TMEM178A: variants seen among roughly 807,000 people sequenced by gnomAD.
TMEM178A encodes transmembrane protein 178A.
In TMEM178A, 12 loss-of-function variants were observed where a neutral mutation model predicts 29.1. The ratio of observed to expected loss-of-function variants is 0.41; its 90% CI spans 0.26 to 0.67. The LOEUF is 0.67. Among genes scored for constraint, TMEM178A ranks in the 30% least tolerant of loss-of-function variants. The probability of loss-of-function intolerance (pLI) is 0.29; values close to 1 mark genes in which losing one functional copy is unlikely to be tolerated. For missense variants in TMEM178A, 366 were observed against 419.1 expected, an observed-to-expected ratio of 0.87 and a Z score of 1.11; for synonymous variants, 210 against 187.2, an observed-to-expected ratio of 1.12 and a Z score of -0.99.
chr2:39,732,947 C>G, the TMEM178A span, among the ~76,000 whole-genome samples: 2 of 152,214 alleles, frequency 1.3e-5, no homozygotes, highest in African/African-American at 4.8e-5. Context: ...GCAGCTCCTA[C>G]AAATATATGG....
At chr2:39,681,617 T>C (rs763793239) in intron 1 of TMEM178A, among the ~76,000 whole-genome samples, 2 of 152,098 alleles carry the variant, frequency 1.3e-5, no homozygotes, top group Non-Finnish European at 2.9e-5. Context: ...TCTGTTGGGA[T>C]TTTTGTTTGT....
At chr2:39,722,725 G>A (rs1374532144), downstream of TMEM178A, among the ~76,000 whole-genome samples, 2 of 152,042 alleles carry the variant, frequency 1.3e-5, no homozygotes, top group East Asian at 3.9e-4. Context: ...TCCCTTTTTT[G>A]GAGCTCACTA....
intron 3 of TMEM178A, among the ~76,000 whole-genome samples, chr2:39,707,934 T>A (rs1217681758): frequency 1.3e-5 from 2 of 152,234 alleles, no homozygotes; most frequent in East Asian, 3.8e-4. Context: ...CATTTTTACA[T>A]ACACAACACT....
At chr2:39,701,919 CT>C (rs1671798963) in intron 1 of TMEM178A, among the ~76,000 whole-genome samples, 1 of 151,998 alleles carries the variant, frequency 6.6e-6, no homozygotes, top group Admixed American at 6.5e-5. Flanking sequence ...TGCTAATATT[CT>C]CTATTTAGTG....
At position 39,686,304 on chromosome 2, in the gene TMEM178A, C is replaced by G. The variant is rs548285017; in HGVS notation, c.401-17777C>G. On this transcript the variant is annotated intron_variant, in intron 1 of 3. Coordinates refer to ENST00000281961, the MANE Select transcript of TMEM178A (RefSeq NM_152390.3). ...AGAATAGTGGTTGTCCAGCCCCAGG[C>G]TTGGAATATCAAACAAAGGCACAAC... 7.9e-4 allele frequency among the ~76,000 whole-genome samples: 121 copies of G among 152,250 alleles called. 2 individuals carry two copies. The South Asian group carries it at 0.025, about 31-fold the overall frequency.
intron 1 of TMEM178A, among the ~76,000 whole-genome samples, chr2:39,678,244 G>A (rs998205515): frequency 6.6e-6 from 1 of 152,070 alleles, no homozygotes; most frequent in African/African-American, 2.4e-5. Context: ...ACCCCCAAAA[G>A]TTGAAAACAG....
chr2:39,691,666 T>C (rs961239867), intron 1 of TMEM178A, among the ~76,000 whole-genome samples: 2 of 152,064 alleles, frequency 1.3e-5, no homozygotes, highest in Non-Finnish European at 2.9e-5. Flanking sequence ...AATCAGGATC[T>C]CGAAGAAATG....
chr2:39,696,433 T>G (rs1671544156), intron 1 of TMEM178A, among the ~76,000 whole-genome samples: 1 of 152,174 alleles, frequency 6.6e-6, no homozygotes. Context: ...CATTATGGAG[T>G]ACTTACAGTG....
At chr2:39,708,896 C>T (rs1672179616) in intron 3 of TMEM178A, among the ~76,000 whole-genome samples, 1 of 152,116 alleles carries the variant, frequency 6.6e-6, no homozygotes. Flanking sequence ...TCACAGAAAA[C>T]TCGTGTATTA....
the TMEM178A span, among the ~76,000 whole-genome samples, chr2:39,731,387 T>A: frequency 6.6e-6 from 1 of 152,308 alleles, no homozygotes; most frequent in East Asian, 1.9e-4. Context: ...TTCAAAAGCA[T>A]AGTGCCACAT....
chr2:39,721,894 G>T (rs1223088837), downstream of TMEM178A, among the ~76,000 whole-genome samples: 3 of 151,160 alleles, frequency 2.0e-5, no homozygotes, highest in Non-Finnish European at 4.4e-5. Flanking sequence ...GGCAGGCTGG[G>T]GCAGGAGGAT....
chr2:39,665,861 G>A (rs1670119983), upstream of TMEM178A: 10 of 977,756 alleles, frequency 1.0e-5, no homozygotes, highest in East Asian at 3.0e-4. Context: ...GTAGGAGGGA[G>A]GTGGGGGGCA....
rs116136526 is a variant in TMEM178A, at chr2:39,681,427, G to A, written c.400+15053G>A. Among the ~76,000 whole-genome samples the A allele has an allele frequency of 3.4e-3, 517 of 152,170 alleles. 4 individuals are homozygous for A. Among genetic ancestry groups the A allele is most frequent in the African/African-American group, 0.012 (498 of 41,512 alleles). On this transcript the variant is annotated intron_variant, in intron 1 of 3. Transcript: ENST00000281961. ...CCTGTCATAAGCATTTTGGTCATTC[G>A]GAAGACTTAAAAGATTAAGAGGAGA...
At chr2:39,725,787 C>A in the TMEM178A span, among the ~76,000 whole-genome samples, 6 of 152,298 alleles carry the variant, frequency 3.9e-5, no homozygotes, top group African/African-American at 1.4e-4. Context: ...GCCTAACATA[C>A]GATTGTAGAC....
intron 1 of TMEM178A, among the ~76,000 whole-genome samples, chr2:39,697,243 C>T (rs1467857405): frequency 6.6e-6 from 1 of 152,150 alleles, no homozygotes; most frequent in Non-Finnish European, 1.5e-5. Context: ...ACAGGTCTTT[C>T]CCTGTAAGAT....
Position 39,665,950 on chromosome 2 carries a change from G to C in TMEM178A, c.-25G>C. The C allele has an allele frequency of 7.5e-7, 1 of 1,342,030 alleles. No homozygotes were observed. The highest frequency in any genetic ancestry group is 9.5e-7 in the Non-Finnish European group (1 of 1,049,200). 83.1% of individuals were successfully genotyped at this position (1,342,030 alleles called of 1,614,324 possible). On this transcript the variant is annotated 5_prime_UTR_variant, in exon 1 of 4. Coordinates refer to ENST00000281961, the MANE Select transcript of TMEM178A (RefSeq NM_152390.3). The stretch of plus-strand genomic sequence containing the variant: ...TCTGGCGGCGGCGCGCGAGCCCACC[G>C]GCGGCTGCGGCGGGGCGGGAAGCCA...
chr2:39,702,570 A>C (rs1671830129), intron 1 of TMEM178A, among the ~76,000 whole-genome samples: 1 of 152,134 alleles, frequency 6.6e-6, no homozygotes, highest in African/African-American at 2.4e-5. Context: ...TTGGAAGCAC[A>C]GGCATTTCCT....
intron 1 of TMEM178A, chr2:39,687,413 C>G (rs542034007): frequency 6.0e-6 from 1 of 167,088 alleles, no homozygotes; most frequent in African/African-American, 2.4e-5. Flanking sequence ...TTTTCCCTTC[C>G]CATCCTCACC....
rs1355726043 is a variant in TMEM178A, at chr2:39,692,845, G to A, written c.401-11236G>A. Among the ~76,000 whole-genome samples, 3 of 152,294 alleles carry A rather than the reference G, an allele frequency of 2.0e-5. No individual in the cohort carries two copies. In the East Asian group the frequency reaches 5.8e-4, roughly 29 times the overall value. On this transcript the variant is annotated intron_variant, in intron 1 of 3. Coordinates refer to ENST00000281961, the MANE Select transcript of TMEM178A (RefSeq NM_152390.3). The stretch of plus-strand genomic sequence containing the variant: ...GTCACACAGCATGTCCTGAAAACCA[G>A]TATTCTAGTTTACACTTTTGCATGA...
Sources: gnomAD v4.1 joint callset for allele counts (sites outside exome capture counted in the v4.1 genomes callset) on GRCh38, gnomAD v4.1.1 for gene constraint, MANE v1.5 for transcripts, NCBI Gene and HGNC (gene_info 2026-07-23, HGNC 2026-07-21) for gene names.